MICAL3: variants seen among roughly 807,000 people sequenced by gnomAD.
MICAL3 encodes [F-actin]-monooxygenase MICAL3.
Under a neutral mutation model 207.4 loss-of-function variants are expected in MICAL3, and 62 were observed. The ratio of observed to expected loss-of-function variants is 0.30; its 90% CI spans 0.24 to 0.37. The LOEUF (loss-of-function observed/expected upper bound fraction) is 0.37, where lower values mean the gene tolerates loss of function less well. Among genes scored for constraint, MICAL3 ranks in the 10% least tolerant of loss-of-function variants. The pLI is 1.00. For synonymous variants in MICAL3, 1,077 were observed against 1,069.3 expected (o/e 1.01, Z -0.14); for missense variants, 2,368 against 2,635.6 (o/e 0.90, Z 2.22).
chr22:17,965,227 G>A (rs1030549674), intron 1 of MICAL3, among the ~76,000 whole-genome samples: 1 of 150,620 alleles, frequency 6.6e-6, no homozygotes, highest in African/African-American at 2.4e-5. Context: ...TTCTGTGCCT[G>A]AGAATGGCTG....
intron 1 of MICAL3, among the ~76,000 whole-genome samples, chr22:17,979,304 G>A (rs1935797929): frequency 6.6e-6 from 1 of 152,140 alleles, no homozygotes; most frequent in African/African-American, 2.4e-5. Context: ...CAGCACTTTG[G>A]GAGGCCGAGG....
intron 3 of MICAL3, among the ~76,000 whole-genome samples, chr22:17,903,232 G>A (rs935400922): frequency 6.6e-6 from 1 of 152,182 alleles, no homozygotes; most frequent in African/African-American, 2.4e-5. Context: ...GGCAAGGAAG[G>A]GAAATCGCAA....
chr22:17,847,616 C>A (rs1016979304), intron 19 of MICAL3, among the ~76,000 whole-genome samples: 1 of 152,072 alleles, frequency 6.6e-6, no homozygotes, highest in Non-Finnish European at 1.5e-5. Flanking sequence ...TAAAAGGGGC[C>A]GACCGTGACC....
intron 1 of MICAL3, among the ~76,000 whole-genome samples, chr22:17,984,371 C>T (rs775445815): frequency 1.3e-5 from 2 of 152,238 alleles, no homozygotes; most frequent in Non-Finnish European, 2.9e-5. Flanking sequence ...CCTAATCCTG[C>T]GAACGCCTCT....
intron 1 of MICAL3, among the ~76,000 whole-genome samples, chr22:17,915,492 C>A (rs980678285): frequency 1.3e-5 from 2 of 152,206 alleles, no homozygotes; most frequent in African/African-American, 2.4e-5. Context: ...CCAAGGCACT[C>A]GGGTCAGGTC....
At chr22:17,871,048 C>G (rs918891389) in intron 17 of MICAL3, among the ~76,000 whole-genome samples, 1 of 152,178 alleles carries the variant, frequency 6.6e-6, no homozygotes, top group Non-Finnish European at 1.5e-5. Flanking sequence ...ACTGCCTCTC[C>G]TATTAATCTA....
rs562683313 is a variant in MICAL3, at chr22:17,936,613, G to A, written c.-74-29727C>T. ...AAGAAACTTTCTGAGATAACAGAAA[G>A]AGTTTATATCTTGATTATGGAGATT... is the stretch of plus-strand genomic sequence containing the variant. On this transcript the variant is annotated intron_variant, in intron 1 of 31. Coordinates refer to ENST00000441493, the MANE Select transcript of MICAL3 (RefSeq NM_015241.3). Among the ~76,000 whole-genome samples, 30 of 150,436 alleles carry A rather than the reference G, an allele frequency of 2.0e-4. 1 individual carries two copies. The South Asian group carries it at 6.1e-3, about 31-fold the overall frequency.
intron 29 of MICAL3, among the ~76,000 whole-genome samples, chr22:17,791,900 G>A (rs975325126): frequency 7.9e-5 from 12 of 152,206 alleles, no homozygotes; most frequent in South Asian, 2.1e-4. Context: ...CCGCATGGTC[G>A]ATGCAGGGCA....
At chr22:17,809,621 C>T (rs534544316) in intron 28 of MICAL3, among the ~76,000 whole-genome samples, 3 of 150,862 alleles carry the variant, frequency 2.0e-5, no homozygotes, top group African/African-American at 7.2e-5. Flanking sequence ...CGGAGTGAGA[C>T]TCCGTCTCAA....
chr22:17,993,646 C>A (rs1363055869), intron 1 of MICAL3, among the ~76,000 whole-genome samples: 4 of 151,992 alleles, frequency 2.6e-5, no homozygotes, highest in African/African-American at 7.3e-5. Flanking sequence ...CCCCGGGAAG[C>A]CCCCCTGCGC....
chr22:17,856,906 C>A (rs1476823900), intron 19 of MICAL3, among the ~76,000 whole-genome samples: 1 of 152,106 alleles, frequency 6.6e-6, no homozygotes, highest in Admixed American at 6.5e-5. Flanking sequence ...CAGGCGTGAG[C>A]CACCGCGCCC....
intron 1 of MICAL3, among the ~76,000 whole-genome samples, chr22:18,008,275 C>T (rs893055359): frequency 3.3e-5 from 5 of 152,100 alleles, no homozygotes; most frequent in African/African-American, 7.2e-5. Flanking sequence ...GAGCTCAGTC[C>T]ATCCCTTCCA....
chr22:17,901,887 T>A lies in MICAL3; in HGVS notation c.682A>T (p.Thr228Ser). 1 of 1,612,970 alleles carries A rather than the reference T, an allele frequency of 6.2e-7. No homozygotes were observed. Among genetic ancestry groups the A allele is most frequent in the Non-Finnish European group, 8.5e-7 (1 of 1,179,142 alleles). The change falls in exon 5 of 32, where the codon ACC (threonine) becomes TCC (serine). Residue 228 changes from threonine to serine, a missense_variant. Thr to Ser is a moderately conservative substitution (Grantham distance 58). This residue lies in a region of MICAL3 where 400 missense variants were observed against 547.0 expected (regional missense o/e 0.73). Transcript: ENST00000441493. ...GAGCACAGACCAATACCTTCCAAGG[T>A]GTTCCTCCGACCATCCCCACCGATG... is the stretch of plus-strand genomic sequence containing the variant. Reference protein sequence around the residue: ...VIIGGDGRRNTLEGFRRKEFR... With the variant: ...VIIGGDGRRNSLEGFRRKEFR...
intron 29 of MICAL3, among the ~76,000 whole-genome samples, chr22:17,804,279 T>A (rs1373645579): frequency 6.6e-6 from 1 of 152,176 alleles, no homozygotes; most frequent in East Asian, 1.9e-4. Flanking sequence ...AGCCCCAGGC[T>A]GAGGGCCTGG....
intron 18 of MICAL3, 147 bp from the exon 19 acceptor site, chr22:17,865,133 G>C (rs1926949246): frequency 3.8e-6 from 2 of 523,012 alleles, no homozygotes; most frequent in South Asian, 8.6e-5. Flanking sequence ...TTATTTAAGA[G>C]ACAGGGCCTT....
At chr22:17,831,718 G>T in intron 21 of MICAL3, 136 bp downstream of exon 21, 1 of 1,398,838 alleles carries the variant, frequency 7.1e-7, no homozygotes, top group Non-Finnish European at 9.5e-7. Flanking sequence ...CATGTCTTAT[G>T]TCAGGAGGGG....
chr22:17,960,942 C>T (rs1007253256), intron 1 of MICAL3, among the ~76,000 whole-genome samples: 8 of 152,068 alleles, frequency 5.3e-5, no homozygotes, highest in South Asian at 2.1e-4. Context: ...CGAGACGGTG[C>T]GGGACCTGGT....
intron 19 of MICAL3, among the ~76,000 whole-genome samples, chr22:17,848,505 G>A (rs931785428): frequency 2.6e-5 from 4 of 152,186 alleles, no homozygotes; most frequent in African/African-American, 9.7e-5. Flanking sequence ...ATCTGGGCTG[G>A]TCAAAATACA....
chr22:18,017,381 T>G (rs1924128331), intron 1 of MICAL3, among the ~76,000 whole-genome samples: 1 of 151,034 alleles, frequency 6.6e-6, no homozygotes, highest in Non-Finnish European at 1.5e-5. Context: ...GCCTGGCTAA[T>G]TTTTTTTATT....
Sources: allele counts gnomAD v4.1 joint callset (sites outside exome capture counted in the v4.1 genomes callset), GRCh38; gene constraint gnomAD v4.1.1; regional missense constraint gnomAD v4.1.1; transcripts MANE v1.5; gene names NCBI Gene and HGNC (gene_info 2026-07-23, HGNC 2026-07-21).